The following ELK3 variants were observed in gnomAD, a reference collection of about 807,000 sequenced individuals.
The protein encoded by ELK3 is ETS domain-containing protein Elk-3.
In ELK3, 10 loss-of-function variants were observed where a neutral mutation model predicts 28.9. That is an observed-to-expected ratio of 0.35 (90% CI 0.21 to 0.59). The LOEUF is 0.59. Ranked by LOEUF, ELK3 falls within the 20% of genes least tolerant of loss-of-function variation. The pLI, the probability that ELK3 is intolerant of heterozygous loss-of-function variation, is 0.82. For synonymous variants in ELK3, 272 were observed against 243.5 expected, an observed-to-expected ratio of 1.12 and a Z score of -1.09; for missense variants, 463 against 517.3, an observed-to-expected ratio of 0.90 and a Z score of 1.02.
At chr12:96,248,496 G>A (rs1478098314) in intron 3 of ELK3, among the ~76,000 whole-genome samples, 1 of 152,184 alleles carries the variant, frequency 6.6e-6, no homozygotes, top group Non-Finnish European at 1.5e-5. Flanking sequence ...AATTTTAGTG[G>A]CAGAGGTTAA....
In ELK3 at chr12:96,213,049, T is replaced by G. The variant is rs960225703; in HGVS notation, c.-2-10516T>G. ...GGGCTGTGTTGGAAGTGCTGGGTAATGCAAGTGAAATGATGGCTAAAAATA... is the reference window on the plus strand; with the variant it reads ...GGGCTGTGTTGGAAGTGCTGGGTAAGGCAAGTGAAATGATGGCTAAAAATA... On this transcript the variant is annotated intron_variant, in intron 1 of 4. Coordinates refer to ENST00000228741, the MANE Select transcript of ELK3 (RefSeq NM_005230.4). Among the ~76,000 whole-genome samples, 5 of 152,194 alleles carry G rather than the reference T, an allele frequency of 3.3e-5. 1 individual carries two copies. Among genetic ancestry groups the G allele is most frequent in the Non-Finnish European group, 7.3e-5 (5 of 68,032 alleles).
rs570840973 is a variant in ELK3 at position 96,241,304 on chromosome 12, C to T, written c.208-5636C>T. ...AAATCTAATTCCATATGCATCTTTT[C>T]ATTACCTAGCACTGCATATGCTTTT... is the stretch of plus-strand genomic sequence containing the variant. On this transcript the variant is annotated intron_variant, in intron 2 of 4. Transcript: ENST00000228741. Among the ~76,000 whole-genome samples the T allele has an allele frequency of 5.3e-5, 8 of 152,312 alleles. No homozygotes were observed. In the South Asian group the frequency reaches 1.7e-3, roughly 32 times the overall value.
At chr12:96,264,618 C>T (rs1470830984) in intron 4 of ELK3, among the ~76,000 whole-genome samples, 1 of 151,794 alleles carries the variant, frequency 6.6e-6, no homozygotes, top group Non-Finnish European at 1.5e-5. Context: ...CCCTGTCTCT[C>T]CAAAAAAAAT....
rs1592696447 is a variant in ELK3, at chr12:96,268,767, T to A, written c.*1587T>A. The A allele has an allele frequency of 6.6e-6, 1 of 152,350 alleles. No individual in the cohort carries two copies. The highest frequency in any genetic ancestry group is 1.5e-5 in the Non-Finnish European group (1 of 68,034). The allele number at this position is 152,350 out of a possible 1,614,324, so 9.4% of individuals were successfully genotyped here. A position where few individuals can be genotyped will look rare whatever the true frequency, so the allele number is the denominator to read the frequency against. On this transcript the variant is annotated 3_prime_UTR_variant, in exon 5 of 5. Transcript: ENST00000228741. ...CAGAAAAAAATCTAGACTATTGCTT[T>A]GACACTTAGAAATTCTGAGGTTTTT...
intron 2 of ELK3, among the ~76,000 whole-genome samples, chr12:96,238,439 T>C (rs988011809): frequency 6.6e-6 from 1 of 152,242 alleles, no homozygotes; most frequent in African/African-American, 2.4e-5. Context: ...ACATGACTTC[T>C]GGCCCGTCAA....
chr12:96,247,635 G>A lies in ELK3; in HGVS notation c.903G>A (p.Ala301=), dbSNP rs147602378. The A allele has an allele frequency of 1.6e-4, 264 of 1,612,894 alleles. No homozygotes were observed. Among genetic ancestry groups the A allele is most frequent in the Non-Finnish European group, 2.2e-4 (255 of 1,180,000 alleles). The change falls in exon 3 of 5, where the codon GCG becomes GCA. Residue 301 remains alanine (A), a synonymous_variant. Coordinates refer to ENST00000228741, the MANE Select transcript of ELK3 (RefSeq NM_005230.4). The surrounding 1 kb of genome is among the most constrained non-coding windows in gnomAD (Gnocchi z 5.5). ...AKKPKGLEIS[A]PPLVLSGTDI... is the part of the protein sequence containing the mutation. ...AACCCAAAGGCTTGGAAATCTCAGC[G>A]CCCCCGCTGGTGCTCTCCGGCACCG...
chr12:96,234,697 AC>A (rs1951768303), intron 2 of ELK3, among the ~76,000 whole-genome samples: 1 of 152,212 alleles, frequency 6.6e-6, no homozygotes, highest in Non-Finnish European at 1.5e-5. Context: ...TTTGTGATGC[AC>A]CAGTGCTGGT....
intron 1 of ELK3, among the ~76,000 whole-genome samples, chr12:96,222,530 C>T (rs370198561): frequency 4.6e-5 from 7 of 152,274 alleles, no homozygotes; most frequent in South Asian, 2.1e-4. Context: ...AGTGATTGTT[C>T]GGTTTCACAA....
chr12:96,224,246 A>G (rs1419321320), intron 2 of ELK3, among the ~76,000 whole-genome samples: 1 of 152,234 alleles, frequency 6.6e-6, no homozygotes, highest in Non-Finnish European at 1.5e-5. Context: ...GCATAGGAAT[A>G]ATAATAGGAA....
At chr12:96,210,368 C>T (rs1392014283) in intron 1 of ELK3, among the ~76,000 whole-genome samples, 2 of 152,162 alleles carry the variant, frequency 1.3e-5, no homozygotes, top group Non-Finnish European at 2.9e-5. Flanking sequence ...CTGCTGGGTA[C>T]TAGGGACCTT....
chr12:96,195,908 T>G (rs1197570509), intron 1 of ELK3, among the ~76,000 whole-genome samples: 2 of 140,918 alleles, frequency 1.4e-5, no homozygotes, highest in Admixed American at 1.4e-4. Flanking sequence ...CTCCCTCATT[T>G]GAAAGCCCCT....
chr12:96,236,322 A>C (rs1017570233), intron 2 of ELK3, among the ~76,000 whole-genome samples: 1 of 152,154 alleles, frequency 6.6e-6, no homozygotes, highest in Admixed American at 6.5e-5. Flanking sequence ...CAGGCCAGCA[A>C]GCCAGCACTT....
intron 2 of ELK3, among the ~76,000 whole-genome samples, chr12:96,245,270 A>T (rs1221009228): frequency 6.6e-6 from 1 of 152,200 alleles, no homozygotes; most frequent in African/African-American, 2.4e-5. Flanking sequence ...ATGATTTCAA[A>T]AGGCACATCA....
At chr12:96,228,522 C>T (rs761341652) in intron 2 of ELK3, among the ~76,000 whole-genome samples, 4 of 151,794 alleles carry the variant, frequency 2.6e-5, no homozygotes, top group South Asian at 2.1e-4. Context: ...GTATTATGGC[C>T]CTTTTCACTT....
intron 3 of ELK3, among the ~76,000 whole-genome samples, chr12:96,252,083 T>G (rs1399796801): frequency 6.6e-6 from 1 of 152,242 alleles, no homozygotes; most frequent in African/African-American, 2.4e-5. Flanking sequence ...CTTGTGACTT[T>G]AAGTTGAAGC....
intron 3 of ELK3, among the ~76,000 whole-genome samples, chr12:96,254,280 G>C (rs1951929677): frequency 6.6e-6 from 1 of 152,184 alleles, no homozygotes; most frequent in African/African-American, 2.4e-5. Context: ...AGCCAAGATT[G>C]TGCCACTGCA....
At chr12:96,197,360 G>T (rs573057785) in intron 1 of ELK3, among the ~76,000 whole-genome samples, 1 of 152,256 alleles carries the variant, frequency 6.6e-6, no homozygotes, top group Non-Finnish European at 1.5e-5. Flanking sequence ...CAATGCACAA[G>T]AAAGAATTTT....
At position 96,252,864 on chromosome 12, in the gene ELK3, G is replaced by A. The variant is rs140832870; in HGVS notation, c.1002+5130G>A. Among the ~76,000 whole-genome samples, 1,081 of 152,318 alleles carry A rather than the reference G, an allele frequency of 7.1e-3. 55 individuals are homozygous for A. The highest frequency in any genetic ancestry group is 0.065 in the Admixed American group (994 of 15,302). On this transcript the variant is annotated intron_variant, in intron 3 of 4. Transcript: ENST00000228741. ...TACATTACTTAGTTGATAAAGCAGC[G>A]GCAGGGTTTGAGAGGATTGACTCCA... is the stretch of plus-strand genomic sequence containing the variant.
chr12:96,194,585 A>C lies in ELK3; in HGVS notation c.-123A>C, dbSNP rs1951447593. The C allele has an allele frequency of 6.7e-6, 1 of 149,260 alleles. No individual in the cohort carries two copies. Among genetic ancestry groups the C allele is most frequent in the Non-Finnish European group, 1.5e-5 (1 of 67,142 alleles). 9.2% of individuals were successfully genotyped at this position (149,260 alleles called of 1,614,324 possible). ...CGAGAGAAAGAAAAAAAGGGGGAAA[A>C]ATCAGGATCTCATTACAAGAGCCAC... is the stretch of plus-strand genomic sequence containing the variant. On this transcript the variant is annotated 5_prime_UTR_variant, in exon 1 of 5. Transcript: ENST00000228741.
Sources: gnomAD v4.1 joint callset for allele counts (sites outside exome capture counted in the v4.1 genomes callset) on GRCh38, gnomAD v4.1.1 for gene constraint, Gnocchi (gnomAD v3.1) non-coding constraint, MANE v1.5 for transcripts, NCBI Gene and HGNC (gene_info 2026-07-23, HGNC 2026-07-21) for gene names.